TCTA: variants seen among roughly 807,000 people sequenced by gnomAD.
The protein encoded by TCTA is T cell leukemia translocation altered.
In TCTA, 13 loss-of-function variants were observed where a neutral mutation model predicts 13.5. The ratio of observed to expected loss-of-function variants is 0.96; its 90% CI spans 0.63 to 1.53. The LOEUF is 1.53. TCTA is among the 40% of genes most tolerant of loss of function. TCTA has a pLI of 0.00. For missense variants in TCTA, 138 were observed against 131.3 expected (o/e 1.05, Z -0.25); for synonymous variants, 58 against 59.0 (o/e 0.98, Z 0.08).
chr3:49,413,768 G>A (rs1226332626), intron 2 of TCTA, among the ~76,000 whole-genome samples: 11 of 152,232 alleles, frequency 7.2e-5, no homozygotes, highest in Non-Finnish European at 2.9e-5. Flanking sequence ...GTAAGACTGT[G>A]ATGCTGGAGC....
chr3:49,413,717 C>G (rs929276607), intron 2 of TCTA, among the ~76,000 whole-genome samples: 6 of 152,140 alleles, frequency 3.9e-5, no homozygotes, highest in African/African-American at 1.4e-4. Context: ...ATGGATTGAG[C>G]AAGGCTAAGA....
At position 49,412,526 on chromosome 3, in the gene TCTA, A is replaced by T. The variant is rs1176387475; in HGVS notation, c.100A>T (p.Met34Leu). The T allele has an allele frequency of 6.2e-7, 1 of 1,614,244 alleles. No homozygotes were observed. The highest frequency in any genetic ancestry group is 2.2e-5 in the East Asian group (1 of 44,890). ...EFLREWEAQD[M>L]RVTLFKLLLL... The stretch of plus-strand genomic sequence containing the variant: ...CTTGCGGGAGTGGGAGGCGCAGGAC[A>T]TGCGCGTGACCCTCTTCAAGCTGCT... Residue 34 changes from methionine to leucine, a missense_variant, in exon 1 of 3, where the codon ATG (methionine) becomes TTG (leucine). Met to Leu is a conservative substitution (Grantham distance 15). Coordinates refer to ENST00000273590, the MANE Select transcript of TCTA (RefSeq NM_022171.3).
chr3:49,414,836 G>A lies in TCTA; in HGVS notation c.286G>A (p.Glu96Lys), dbSNP rs142840341. ...HFPSWEMAAN[E>K]PLKTHRE is the part of the protein sequence containing the mutation. ...CACTTTCAGGGAAATGGCAGCAAAC[G>A]AACCTCTCAAAACCCACAGAGAATA... The change falls in exon 3 of 3, where the codon GAA (glutamate) becomes AAA (lysine). Residue 96 changes from glutamate to lysine, a missense_variant. Physicochemically the swap from Glu to Lys is moderately conservative, Grantham distance 56. Transcript: ENST00000273590. 4.7e-5 allele frequency: 76 copies of A among 1,613,726 alleles called. No homozygotes were observed. Among genetic ancestry groups the A allele is most frequent in the South Asian group, 1.8e-4 (16 of 91,056 alleles).
rs970859145 is a variant in TCTA at position 49,413,110 on chromosome 3, G to A, written c.269G>A (p.Trp90Ter). Residue 90 changes from tryptophan (W) to a stop codon, truncating the protein, a stop_gained and splice_region_variant, in exon 2 of 3, where the codon TGG becomes TAG. Coordinates refer to ENST00000273590, the MANE Select transcript of TCTA (RefSeq NM_022171.3). LOFTEE classifies it high-confidence loss of function. ...GATGGCTCCACGCATTTCCCTTCGT[G>A]GTGAGTAAATCTGTCCATACCGCAA... Reference protein sequence around the residue: ...TPDGSTHFPSWEMAANEPLKT... With the variant: ...TPDGSTHFPS 3 of 1,614,036 alleles carry A rather than the reference G, an allele frequency of 1.9e-6. No homozygotes were observed. The highest frequency in any genetic ancestry group is 2.5e-6 in the Non-Finnish European group (3 of 1,180,028).
chr3:49,414,862 AG>A lies in TCTA; in HGVS notation c.*3del. 6.2e-7 allele frequency: 1 copy of A among 1,613,886 alleles called. No individual in the cohort carries two copies. Among genetic ancestry groups the A allele is most frequent in the Non-Finnish European group, 8.5e-7 (1 of 1,179,846 alleles). On this transcript the variant is annotated 3_prime_UTR_variant, in exon 3 of 3. Transcript: ENST00000273590. ...AACCTCTCAAAACCCACAGAGAATA[AG>A]GGAAGGCAGCAGAGGGTCTCCAAGG...
At chr3:49,414,507 C>T (rs979693395) in intron 2 of TCTA, among the ~76,000 whole-genome samples, 3 of 152,138 alleles carry the variant, frequency 2.0e-5, no homozygotes, top group Non-Finnish European at 4.4e-5. Flanking sequence ...GCACCCCAAC[C>T]TGGGCAACAA....
chr3:49,414,351 T>C (rs1044321104), intron 2 of TCTA, among the ~76,000 whole-genome samples: 1 of 151,434 alleles, frequency 6.6e-6, no homozygotes, highest in African/African-American at 2.4e-5. Flanking sequence ...CTGGCCAACA[T>C]GGCGAAACCC....
chr3:49,412,660 T>C lies in TCTA; in HGVS notation c.214+20T>C. Reference sequence around the variant, plus strand: ...GTCCAGGTGAGGCTTCCTACGAACCTCCGTGGGCTGGCCGCCCCCGCCCCC... The same window carrying C: ...GTCCAGGTGAGGCTTCCTACGAACCCCCGTGGGCTGGCCGCCCCCGCCCCC... On this transcript the variant is annotated intron_variant, in intron 1 of 2. Transcript: ENST00000273590. 1 of 1,609,318 alleles carries C rather than the reference T, an allele frequency of 6.2e-7. No homozygotes were observed. The highest frequency in any genetic ancestry group is 1.7e-5 in the Admixed American group (1 of 59,942).
intron 2 of TCTA, 166 bp downstream of exon 2, chr3:49,413,276 C>T: frequency 1.4e-6 from 1 of 702,102 alleles, no homozygotes. Flanking sequence ...TAGGGTGACA[C>T]CAAGGTCTGG....
chr3:49,414,699 T>G, intron 2 of TCTA, 121 bp from the exon 3 acceptor site: 1 of 1,213,486 alleles, frequency 8.2e-7, no homozygotes, highest in Non-Finnish European at 1.2e-6. Context: ...GAGGTCTAGA[T>G]TGTTATGTGA....
chr3:49,415,055 G>A lies in TCTA; in HGVS notation c.*193G>A, dbSNP rs2048989706. ...CTCACCCAGGCACTGGGCAAGTGAA[G>A]AGTTTGCCTGTACTCTTATCTGGGT... On this transcript the variant is annotated 3_prime_UTR_variant, in exon 3 of 3. Transcript: ENST00000273590. The A allele has an allele frequency of 8.2e-6, 5 of 613,294 alleles. No individual in the cohort carries two copies. Among genetic ancestry groups the A allele is most frequent in the South Asian group, 4.0e-5 (2 of 50,488 alleles). 38.0% of individuals were successfully genotyped at this position (613,294 alleles called of 1,614,324 possible). A position where few individuals can be genotyped will look rare whatever the true frequency, so the allele number is the denominator to read the frequency against.
chr3:49,412,879 C>T, intron 1 of TCTA, 177 bp from the exon 2 acceptor site: 1 of 726,612 alleles, frequency 1.4e-6, no homozygotes, highest in Non-Finnish European at 2.3e-6. Context: ...CCCCACCAGT[C>T]CACCCATCAC....
chr3:49,414,401 G>A (rs1053494115), intron 2 of TCTA, among the ~76,000 whole-genome samples: 3 of 152,144 alleles, frequency 2.0e-5, no homozygotes, highest in African/African-American at 7.2e-5. Context: ...GGGTGTGGTG[G>A]CGGGCGCCTG....
Position 49,415,747 on chromosome 3 carries a change from C to G in TCTA, c.*885C>G, listed in dbSNP as rs141422153. The G allele has an allele frequency of 6.6e-6, 1 of 152,222 alleles. No individual in the cohort carries two copies. Among genetic ancestry groups the G allele is most frequent in the Non-Finnish European group, 1.5e-5 (1 of 68,116 alleles). The allele number at this position is 152,222 out of a possible 1,614,324, so 9.4% of individuals were successfully genotyped here. A position where few individuals can be genotyped will look rare whatever the true frequency, so the allele number is the denominator to read the frequency against. On this transcript the variant is annotated 3_prime_UTR_variant, in exon 3 of 3. Transcript: ENST00000273590. Reference sequence around the variant, plus strand: ...TGCTGGCACTATCCAGATGGAGGCACCAAACACCCACATACCTGGCCCAAC... The same window carrying G: ...TGCTGGCACTATCCAGATGGAGGCAGCAAACACCCACATACCTGGCCCAAC...
chr3:49,414,690 A>T, intron 2 of TCTA, 130 bp from the exon 3 acceptor site: 1 of 1,047,076 alleles, frequency 9.6e-7, no homozygotes, highest in South Asian at 1.5e-5. Context: ...ACCAGCAGAG[A>T]GGTCTAGATT....
At position 49,412,423 on chromosome 3, in the gene TCTA, A is replaced by G. The variant is rs749325066; in HGVS notation, c.-4A>G. ...CAGTACCCCGGGTGGGGCGAGGGCC[A>G]GTCATGGCGGAGTCCTGGTCTGGGC... On this transcript the variant is annotated 5_prime_UTR_variant, in exon 1 of 3. Transcript: ENST00000273590. The G allele has an allele frequency of 1.9e-6, 3 of 1,607,004 alleles. No homozygotes were observed. Among genetic ancestry groups the G allele is most frequent in the African/African-American group, 2.7e-5 (2 of 74,892 alleles).
rs2048995819 is a variant in TCTA at position 49,415,853 on chromosome 3, G to C, written c.*991G>C. The C allele has an allele frequency of 6.6e-6, 1 of 152,192 alleles. No homozygotes were observed. The highest frequency in any genetic ancestry group is 2.4e-5 in the African/African-American group (1 of 41,410). 9.4% of individuals were successfully genotyped at this position (152,192 alleles called of 1,614,324 possible). ...CATATTCCTCTCAGTCCTTCTTGGG[G>C]GTAAGCTGATTACCTGAAGGACAGC... On this transcript the variant is annotated 3_prime_UTR_variant, in exon 3 of 3. Coordinates refer to ENST00000273590, the MANE Select transcript of TCTA (RefSeq NM_022171.3).
intron 2 of TCTA, among the ~76,000 whole-genome samples, chr3:49,414,095 G>T (rs1224581985): frequency 6.6e-6 from 1 of 151,894 alleles, no homozygotes; most frequent in Non-Finnish European, 1.5e-5. Context: ...GAAAAAATTA[G>T]CTGGGCATGG....
chr3:49,412,686 ACCC>A, intron 1 of TCTA, 46 bp downstream of exon 1: 1 of 1,385,226 alleles, frequency 7.2e-7, no homozygotes, highest in Non-Finnish European at 9.5e-7. Context: ...CCCCGCCCCC[ACCC>A]TCTCCCGACT....
Sources: allele counts gnomAD v4.1 joint callset (sites outside exome capture counted in the v4.1 genomes callset), GRCh38; gene constraint gnomAD v4.1.1; transcripts MANE v1.5; gene names NCBI Gene and HGNC (gene_info 2026-07-23, HGNC 2026-07-21).